ST3GAL2: variants seen among roughly 807,000 people sequenced by gnomAD.
ST3GAL2 encodes CMP-N-acetylneuraminate-beta-galactosamide-alpha-2,3-sialyltransferase 2.
ST3GAL2 carries 16 observed loss-of-function variants against 37.5 expected under a neutral mutation model. The ratio of observed to expected loss-of-function variants is 0.43; its 90% CI spans 0.29 to 0.65. The LOEUF is 0.65. Ranked by LOEUF, ST3GAL2 falls within the 30% of genes least tolerant of loss-of-function variation. ST3GAL2 has a pLI of 0.17. For synonymous variants in ST3GAL2, 238 were observed against 202.9 expected (o/e 1.17, Z -1.47); for missense variants, 383 against 487.8 (o/e 0.79, Z 2.02).
chr16:70,412,774 T>C lies in ST3GAL2; in HGVS notation c.-1003-13241A>G, dbSNP rs925486495. ...TTAAATATTATTTCTAGGCTGGGCA[T>C]GGTGGCTCATACCTGTAATCCCAGC... is the stretch of plus-strand genomic sequence containing the variant. On this transcript the variant is annotated intron_variant, in intron 1 of 6. Transcript: ENST00000342907. Among the ~76,000 whole-genome samples the C allele has an allele frequency of 2.6e-5, 4 of 152,190 alleles. No individual in the cohort carries two copies. The East Asian group carries it at 5.8e-4, about 22-fold the overall frequency.
chr16:70,438,232 C>T (rs1266753363), intron 1 of ST3GAL2, among the ~76,000 whole-genome samples: 10 of 152,114 alleles, frequency 6.6e-5, no homozygotes, highest in Admixed American at 6.5e-4. Flanking sequence ...TGAGCTCAGC[C>T]CAGAGCTGTA....
In ST3GAL2 at chr16:70,381,809, C is replaced by T; in HGVS notation, c.933G>A (p.Trp311Ter). 1 of 1,614,094 alleles carries T rather than the reference C, an allele frequency of 6.2e-7. No individual in the cohort carries two copies. Among genetic ancestry groups the T allele is most frequent in the Non-Finnish European group, 8.5e-7 (1 of 1,179,954 alleles). The change falls in exon 7 of 7, where the codon TGG (tryptophan) becomes TGA (stop). Residue 311 changes from tryptophan (W) to a stop codon, truncating the protein, a stop_gained. Transcript: ENST00000342907. LOFTEE classifies it high-confidence loss of function. ...ACTCGCCCGCGTACCGGTTGTTCTC[C>T]CAGTAGTGGTGCCAGTTGCCCCGGC... ...ADSRGNWHHY[W>*]ENNRYAGEFR... is the part of the protein sequence containing the mutation.
chr16:70,423,942 C>T (rs1413440653), intron 1 of ST3GAL2, among the ~76,000 whole-genome samples: 1 of 151,896 alleles, frequency 6.6e-6, no homozygotes, highest in African/African-American at 2.4e-5. Context: ...CCTGTAGTCC[C>T]AGCTACTCAG....
rs1253218551 is a variant in ST3GAL2, at chr16:70,399,403, T to A, written c.-873A>T. On this transcript the variant is annotated 5_prime_UTR_variant, in exon 2 of 7. An upstream open reading frame in the 5' UTR gains an earlier in-frame stop. Transcript: ENST00000342907. ...CTCCCTACCAGGGTCCAGGTCTCCT[T>A]CCTAATACTCCTGGCCCAGGTTCTG... 2.5e-6 allele frequency: 1 copy of A among 398,628 alleles called. No homozygotes were observed. Among genetic ancestry groups the A allele is most frequent in the African/African-American group, 2.1e-5 (1 of 48,584 alleles). 24.7% of individuals were successfully genotyped at this position (398,628 alleles called of 1,614,324 possible).
chr16:70,388,578 A>G lies in ST3GAL2; in HGVS notation c.534-32T>C, dbSNP rs775517034. ...GGACAAGAGGGTGACATGAGAATCA[A>G]CTGCCATGGAAACTGATACAAGATT... On this transcript the variant is annotated intron_variant, in intron 3 of 6. Transcript: ENST00000342907. The G allele has an allele frequency of 3.1e-5, 47 of 1,535,226 alleles. No homozygotes were observed. The African/African-American group carries it at 6.1e-4, about 20-fold the overall frequency.
intron 1 of ST3GAL2, among the ~76,000 whole-genome samples, chr16:70,428,558 G>A (rs975286735): frequency 1.3e-5 from 2 of 152,200 alleles, no homozygotes; most frequent in African/African-American, 4.8e-5. Context: ...CTGCTAGGGT[G>A]GGGCTTGGGG....
chr16:70,396,712 T>C (rs1252350333), intron 2 of ST3GAL2, among the ~76,000 whole-genome samples: 1 of 152,198 alleles, frequency 6.6e-6, no homozygotes, highest in Non-Finnish European at 1.5e-5. Flanking sequence ...ATCATTCTGA[T>C]AAGCCTGATC....
At chr16:70,406,863 T>C (rs1303358415) in intron 1 of ST3GAL2, among the ~76,000 whole-genome samples, 2 of 151,362 alleles carry the variant, frequency 1.3e-5, no homozygotes, top group Non-Finnish European at 2.9e-5. Context: ...GTGTGTACAC[T>C]GATGGGAATG....
chr16:70,419,981 T>C (rs1002669860), intron 1 of ST3GAL2, among the ~76,000 whole-genome samples: 5 of 147,560 alleles, frequency 3.4e-5, no homozygotes, highest in Non-Finnish European at 6.0e-5. Flanking sequence ...ATGTTATCAG[T>C]GGGGTAGGGA....
chr16:70,384,235 C>T (rs892989264), intron 4 of ST3GAL2, among the ~76,000 whole-genome samples: 1 of 152,086 alleles, frequency 6.6e-6, no homozygotes, highest in Admixed American at 6.6e-5. Flanking sequence ...GAAGGATAAA[C>T]GGATAAACAA....
intron 1 of ST3GAL2, among the ~76,000 whole-genome samples, chr16:70,432,874 G>A (rs2047800586): frequency 6.6e-6 from 1 of 152,188 alleles, no homozygotes; most frequent in Non-Finnish European, 1.5e-5. Flanking sequence ...AGCCCATCCC[G>A]GGCTGCATGT....
chr16:70,416,079 A>G (rs1469574394), intron 1 of ST3GAL2, among the ~76,000 whole-genome samples: 2 of 151,970 alleles, frequency 1.3e-5, no homozygotes, highest in Admixed American at 6.6e-5. Context: ...CCCAGCTTCC[A>G]AGATTCTTTA....
At chr16:70,415,389 G>A (rs74026025) in intron 1 of ST3GAL2, among the ~76,000 whole-genome samples, 5,239 of 152,274 alleles carry the variant, frequency 0.034, 309 homozygotes, top group African/African-American at 0.12. Flanking sequence ...GGGCGGCACG[G>A]GGAAGGTCAC....
intron 1 of ST3GAL2, among the ~76,000 whole-genome samples, chr16:70,401,838 CA>C (rs890450459): frequency 6.6e-6 from 1 of 151,690 alleles, no homozygotes; most frequent in Non-Finnish European, 1.5e-5. Flanking sequence ...ACTAAAAATA[CA>C]AAAAATCAGC....
intron 1 of ST3GAL2, among the ~76,000 whole-genome samples, chr16:70,433,660 C>T (rs764722778): frequency 2.0e-5 from 3 of 152,104 alleles, no homozygotes; most frequent in African/African-American, 7.2e-5. Context: ...CTGGCAACAG[C>T]GGTTCCCTGA....
chr16:70,406,238 G>T (rs2047591532), intron 1 of ST3GAL2, among the ~76,000 whole-genome samples: 1 of 152,184 alleles, frequency 6.6e-6, no homozygotes. Flanking sequence ...GGGGTCAGGA[G>T]TTCAAGATCG....
intron 1 of ST3GAL2, among the ~76,000 whole-genome samples, chr16:70,420,024 CTT>C (rs58254114): frequency 2.9e-4 from 38 of 131,546 alleles, no homozygotes; most frequent in East Asian, 1.4e-3. Flanking sequence ...CCCCCCTTCC[CTT>C]TTTTTTTTTT....
At position 70,376,821 on chromosome 16, in the gene ST3GAL2, C is replaced by T. The variant is rs1194551480; in HGVS notation, c.*4868G>A. ...GCAGTGGCTCAATCTCGGCTCACCA[C>T]AACTTCCACCTCCCAGGTTCAAGCA... On this transcript the variant is annotated 3_prime_UTR_variant, in exon 7 of 7. Transcript: ENST00000342907. 6.6e-6 allele frequency: 1 copy of T among 151,804 alleles called. No homozygotes were observed. Among genetic ancestry groups the T allele is most frequent in the Non-Finnish European group, 1.5e-5 (1 of 67,990 alleles). 9.4% of individuals were successfully genotyped at this position (151,804 alleles called of 1,614,324 possible). A position where few individuals can be genotyped will look rare whatever the true frequency, so the allele number is the denominator to read the frequency against.
At chr16:70,397,043 C>CTTTTTTTTTTT (rs35885469) in intron 2 of ST3GAL2, among the ~76,000 whole-genome samples, 3 of 130,284 alleles carry the variant, frequency 2.3e-5, no homozygotes, top group African/African-American at 2.9e-5. Context: ...TCTTTTCTTT[C>CTTTTTTTTTTT]TTTTTTTTTT....
Sources: allele counts gnomAD v4.1 joint callset (sites outside exome capture counted in the v4.1 genomes callset), GRCh38; gene constraint gnomAD v4.1.1; transcripts MANE v1.5; gene names NCBI Gene and HGNC (gene_info 2026-07-23, HGNC 2026-07-21).